IFT74: variants seen among roughly 807,000 people sequenced by gnomAD.
The protein encoded by IFT74 is intraflagellar transport protein 74 homolog.
In IFT74, 92 loss-of-function variants were observed where a neutral mutation model predicts 96.7. That is an observed-to-expected ratio of 0.95 (90% CI 0.80 to 1.13). IFT74 has a LOEUF of 1.13. IFT74 is among the 50% of genes most tolerant of loss of function. The probability of loss-of-function intolerance (pLI) is 0.00; values close to 1 mark genes in which losing one functional copy is unlikely to be tolerated. For synonymous variants in IFT74, 223 were observed against 213.2 expected (o/e 1.05, Z -0.40); for missense variants, 811 against 698.2 (o/e 1.16, Z -1.82).
chr9:26,962,171 T>A (rs912430591), intron 2 of IFT74, 84 bp downstream of exon 2: 1 of 1,369,506 alleles, frequency 7.3e-7, no homozygotes, highest in Non-Finnish European at 1.0e-6. Context: ...TTCAGTGAAC[T>A]CTGATCATGC....
chr9:27,004,478 A>G (rs1828671761), intron 8 of IFT74, among the ~76,000 whole-genome samples: 1 of 152,234 alleles, frequency 6.6e-6, no homozygotes, highest in African/African-American at 2.4e-5. Context: ...AGATTGAAAG[A>G]GGGGGTGATG....
At chr9:26,956,889 T>C (rs1343094668) in intron 1 of IFT74, among the ~76,000 whole-genome samples, 1 of 152,254 alleles carries the variant, frequency 6.6e-6, no homozygotes, top group Admixed American at 6.5e-5. Flanking sequence ...TATTCACCTG[T>C]GTGAGAATGG....
At chr9:26,965,024 G>A (rs1826545990) in intron 2 of IFT74, among the ~76,000 whole-genome samples, 1 of 151,928 alleles carries the variant, frequency 6.6e-6, no homozygotes, top group Admixed American at 6.6e-5. Context: ...GTAAAAATTG[G>A]GAAACAACCT....
chr9:26,994,159 C>A (rs1490399991), intron 8 of IFT74: 1 of 152,102 alleles, frequency 6.6e-6, no homozygotes, highest in Non-Finnish European at 1.5e-5. Context: ...GTTTTGTTGT[C>A]AAGTAAGTTT....
chr9:26,998,232 A>T, intron 8 of IFT74: 2 of 1,458,994 alleles, frequency 1.4e-6, no homozygotes, highest in East Asian at 2.4e-5. Context: ...GTAAAATTAC[A>T]TTGGACTTCC....
chr9:27,039,550 A>G (rs1819374320), intron 13 of IFT74, among the ~76,000 whole-genome samples: 1 of 152,176 alleles, frequency 6.6e-6, no homozygotes, highest in Non-Finnish European at 1.5e-5. Flanking sequence ...AAAATAAAAC[A>G]AAAAGTGTTA....
rs1393620859 is a variant in IFT74, at chr9:27,065,693, C to T, written c.*2957C>T. 6.6e-6 allele frequency among the ~76,000 whole-genome samples: 1 copy of T among 152,102 alleles called. No homozygotes were observed. Among genetic ancestry groups the T allele is most frequent in the Non-Finnish European group, 1.5e-5 (1 of 68,010 alleles). ...ATGAAAGGCCAGTTAGTAGTAGTTC[C>T]AGGGGTTTTTGCTGTTCCCTTGCTC... On this transcript the variant is annotated 3_prime_UTR_variant, in exon 20 of 20. Coordinates refer to ENST00000380062, the MANE Select transcript of IFT74 (RefSeq NM_025103.4).
chr9:26,949,432 A>G (rs1825866119), intron 1 of IFT74, among the ~76,000 whole-genome samples: 1 of 152,210 alleles, frequency 6.6e-6, no homozygotes, highest in Non-Finnish European at 1.5e-5. Flanking sequence ...ACCTCTAACT[A>G]AGGACTTTCC....
chr9:26,976,744 C>T (rs1277748178), intron 2 of IFT74: 6 of 455,616 alleles, frequency 1.3e-5, no homozygotes, highest in African/African-American at 4.0e-5. Context: ...TGAAGAGAAA[C>T]CTTGCCATAT....
At chr9:27,027,142 C>A (rs1227351220) in intron 12 of IFT74, among the ~76,000 whole-genome samples, 1 of 152,018 alleles carries the variant, frequency 6.6e-6, no homozygotes, top group Non-Finnish European at 1.5e-5. Context: ...GGAGATACTA[C>A]AACCAATACC....
intron 13 of IFT74, among the ~76,000 whole-genome samples, chr9:27,032,356 G>C (rs1830166187): frequency 6.6e-6 from 1 of 152,088 alleles, no homozygotes. Flanking sequence ...ATCAAAATTA[G>C]ATGTGCATGT....
intron 2 of IFT74, among the ~76,000 whole-genome samples, chr9:26,969,947 C>T (rs1203183642): frequency 2.0e-5 from 3 of 151,898 alleles, no homozygotes; most frequent in Non-Finnish European, 4.4e-5. Context: ...TCGTGGCTGA[C>T]AATTTTTTTG....
At position 26,984,921 on chromosome 9, in the gene IFT74, G is replaced by T. The variant is rs539728966; in HGVS notation, c.465+362G>T. On this transcript the variant is annotated intron_variant, in intron 6 of 19. Coordinates refer to ENST00000380062, the MANE Select transcript of IFT74 (RefSeq NM_025103.4). Reference sequence around the variant, plus strand: ...GCGATTCCTCAAAAAGCTGAAAACAGAACTACCATTCAGCCCGTCAATCCC... The same window carrying T: ...GCGATTCCTCAAAAAGCTGAAAACATAACTACCATTCAGCCCGTCAATCCC... 1.1e-4 allele frequency among the ~76,000 whole-genome samples: 16 copies of T among 152,200 alleles called. No individual in the cohort carries two copies. The South Asian group carries it at 3.3e-3, about 32-fold the overall frequency.
intron 8 of IFT74, chr9:26,996,644 A>G (rs1189743523): frequency 1.7e-5 from 8 of 469,520 alleles, no homozygotes; most frequent in Non-Finnish European, 2.8e-5. Flanking sequence ...CTAGCAACAT[A>G]ATGAAAGAAT....
chr9:26,975,483 G>T (rs1827076656), intron 2 of IFT74, among the ~76,000 whole-genome samples: 1 of 152,164 alleles, frequency 6.6e-6, no homozygotes, highest in African/African-American at 2.4e-5. Context: ...TGTATCATTT[G>T]CTCTTTTCTT....
intron 13 of IFT74, among the ~76,000 whole-genome samples, chr9:27,038,271 T>A (rs936565994): frequency 6.6e-6 from 1 of 152,116 alleles, no homozygotes; most frequent in Non-Finnish European, 1.5e-5. Context: ...TTTTTGTTTT[T>A]GTTTTTTTTG....
At position 27,060,647 on chromosome 9, in the gene IFT74, A is replaced by G. The variant is rs536197154; in HGVS notation, c.1680A>G (p.Lys560=). Residue 560 remains lysine, a synonymous_variant, in exon 19 of 20, where the codon AAA becomes AAG. Coordinates refer to ENST00000380062, the MANE Select transcript of IFT74 (RefSeq NM_025103.4). ...QHLEQNNFAM[K]EFIATKSQES... is the part of the protein sequence containing the mutation. ...TTGAGCAAAATAATTTTGCGATGAA[A>G]GAATGTATCCTTTAAAAAGCTGAAA... 2 of 1,600,376 alleles carry G rather than the reference A, an allele frequency of 1.2e-6. No individual in the cohort carries two copies. Among genetic ancestry groups the G allele is most frequent in the South Asian group, 2.2e-5 (2 of 89,522 alleles).
chr9:26,998,829 C>CAA (rs1176499261), intron 8 of IFT74, among the ~76,000 whole-genome samples: 2 of 129,186 alleles, frequency 1.5e-5, no homozygotes, highest in Non-Finnish European at 1.7e-5. Flanking sequence ...ACTGAAAATA[C>CAA]AAAAAAAAAA....
chr9:26,956,580 A>C (rs73643116), intron 1 of IFT74, 64 bp downstream of exon 1: 7,956 of 152,358 alleles, frequency 0.052, 228 homozygotes, highest in African/African-American at 0.073. Context: ...TGCCTTGGAG[A>C]TGCTGATCCG....
Sources: gnomAD v4.1 joint callset for allele counts (sites outside exome capture counted in the v4.1 genomes callset) on GRCh38, gnomAD v4.1.1 for gene constraint, MANE v1.5 for transcripts, NCBI Gene and HGNC (gene_info 2026-07-23, HGNC 2026-07-21) for gene names.